Variants in HAVCR1 observed in about 807,000 individuals in gnomAD.
HAVCR1 encodes T cell immunoglobin domain and mucin domain protein 1.
A neutral mutation model predicts 32.0 loss-of-function variants in HAVCR1; 34 were observed. The ratio of observed to expected loss-of-function variants is 1.06; its 90% CI spans 0.81 to 1.42. The LOEUF (loss-of-function observed/expected upper bound fraction) is 1.42, where lower values mean the gene tolerates loss of function less well. Ranked by LOEUF, HAVCR1 falls within the 40% of genes most tolerant of loss-of-function variation. The probability of loss-of-function intolerance (pLI) is 0.00; values close to 1 mark genes in which losing one functional copy is unlikely to be tolerated. For synonymous variants in HAVCR1, 178 were observed against 170.3 expected (o/e 1.05, Z -0.35); for missense variants, 420 against 442.3 (o/e 0.95, Z 0.45).
chr5:157,049,909 C>CCCTTT (rs1237358847), intron 4 of HAVCR1, among the ~76,000 whole-genome samples: 1 of 152,188 alleles, frequency 6.6e-6, no homozygotes, highest in African/African-American at 2.4e-5. Context: ...GGCTACATTC[C>CCCTTT]CCTTTCCTTT....
chr5:157,041,495 C>CA (rs1448899048), intron 6 of HAVCR1, among the ~76,000 whole-genome samples: 5 of 146,822 alleles, frequency 3.4e-5, no homozygotes, highest in South Asian at 2.1e-4. Context: ...AAGACTGTCT[C>CA]AAAAAATAAA....
In HAVCR1 at chr5:157,055,228, T is replaced by C; in HGVS notation, c.352A>G (p.Ile118Val). The change falls in exon 3 of 9, where the codon ATC becomes GTC. Residue 118 changes from isoleucine to valine, a missense_variant. Coordinates refer to ENST00000523175, the MANE Select transcript of HAVCR1 (RefSeq NM_001173393.3). ...EHRGWFNDMKITVSLEIVPPK... is the reference protein window; with the variant it reads ...EHRGWFNDMKVTVSLEIVPPK... ...GGCACAATCTCCAATGATACGGTGATTTTCATGTCATTGAACCACCCACGG... is the reference window on the plus strand; with the variant it reads ...GGCACAATCTCCAATGATACGGTGACTTTCATGTCATTGAACCACCCACGG... 2 of 1,574,058 alleles carry C rather than the reference T, an allele frequency of 1.3e-6. No individual in the cohort carries two copies. The highest frequency in any genetic ancestry group is 1.8e-5 in the Admixed American group (1 of 56,844).
At chr5:157,030,468 A>G (rs1011351456) in intron 8 of HAVCR1, among the ~76,000 whole-genome samples, 2 of 152,140 alleles carry the variant, frequency 1.3e-5, no homozygotes, top group African/African-American at 4.8e-5. Flanking sequence ...CGTGAGCAAC[A>G]TAGCGAGACC....
Position 157,037,250 on chromosome 5 carries a change from T to C in HAVCR1, c.949A>G (p.Lys317Glu), listed in dbSNP as rs370221161. 224 of 1,516,428 alleles carry C rather than the reference T, an allele frequency of 1.5e-4. 1 individual carries two copies. The highest frequency in any genetic ancestry group is 6.8e-4 in the Middle Eastern group (4 of 5,916). The allele number at this position is 1,516,428 out of a possible 1,614,324, so 93.9% of individuals were successfully genotyped here. A position where few individuals can be genotyped will look rare whatever the true frequency, so the allele number is the denominator to read the frequency against. ...GAACAATCTCGAAATGACTTACTTT[T>C]GGCAATGATGACACCCAAAAGAGCA... ...LLALLGVIIA[K>E]KYFFKKEVQQ... Residue 317 changes from lysine to glutamate, a missense_variant, in exon 7 of 9, where the codon AAA (lysine) becomes GAA (glutamate). Coordinates refer to ENST00000523175, the MANE Select transcript of HAVCR1 (RefSeq NM_001173393.3).
At chr5:157,037,929 C>T (rs1352758321) in intron 6 of HAVCR1, among the ~76,000 whole-genome samples, 3 of 152,008 alleles carry the variant, frequency 2.0e-5, no homozygotes, top group Non-Finnish European at 2.9e-5. Flanking sequence ...CAAAAAATTG[C>T]TTGAACCCGG....
intron 5 of HAVCR1, among the ~76,000 whole-genome samples, chr5:157,045,202 G>T (rs757741487): frequency 1.3e-5 from 2 of 148,646 alleles, no homozygotes; most frequent in Middle Eastern, 6.5e-3. Flanking sequence ...TAAAAGCTAT[G>T]GGAATTTAGT....
rs761775390 is a variant in HAVCR1, at chr5:157,037,264, C to T, written c.935G>A (p.Gly312Asp). ...TGACTTACTTTTGGCAATGATGACACCCAAAAGAGCAAGAAGCACCAAGAC... is the reference window on the plus strand; with the variant it reads ...TGACTTACTTTTGGCAATGATGACATCCAAAAGAGCAAGAAGCACCAAGAC... ...ISVLVLLALL[G>D]VIIAKKYFFK... is the part of the protein sequence containing the mutation. The change falls in exon 7 of 9, where the codon GGT becomes GAT. Residue 312 changes from glycine (G) to aspartate (D), a missense_variant. Gly to Asp is a moderately conservative substitution (Grantham distance 94). Transcript: ENST00000523175. 6.3e-7 allele frequency: 1 copy of T among 1,585,588 alleles called. No individual in the cohort carries two copies. Among genetic ancestry groups the T allele is most frequent in the Non-Finnish European group, 8.7e-7 (1 of 1,154,064 alleles).
intron 5 of HAVCR1, among the ~76,000 whole-genome samples, chr5:157,047,214 T>A (rs1581707595): frequency 6.6e-6 from 1 of 152,102 alleles, no homozygotes; most frequent in East Asian, 1.9e-4. Flanking sequence ...AGTCCTTCCC[T>A]GTGCCCCTGG....
chr5:157,048,466 T>C (rs959981107), intron 5 of HAVCR1, among the ~76,000 whole-genome samples: 3 of 152,216 alleles, frequency 2.0e-5, no homozygotes, highest in Admixed American at 6.5e-5. Flanking sequence ...CCTGTAACCA[T>C]GTCCCAAATC....
chr5:157,053,493 C>T (rs905349378), intron 3 of HAVCR1, among the ~76,000 whole-genome samples: 7 of 150,642 alleles, frequency 4.6e-5, no homozygotes, highest in Non-Finnish European at 7.4e-5. Context: ...TTAATTAAAA[C>T]GAAAATAGAG....
chr5:157,063,568 A>T (rs924147260), upstream of HAVCR1, among the ~76,000 whole-genome samples: 12 of 152,062 alleles, frequency 7.9e-5, no homozygotes, highest in Admixed American at 5.9e-4. Flanking sequence ...TATAGGCGTG[A>T]GCACCACTCC....
At chr5:157,069,156 T>C in the HAVCR1 span, among the ~76,000 whole-genome samples, 1 of 152,226 alleles carries the variant, frequency 6.6e-6, no homozygotes, top group Non-Finnish European at 1.5e-5. Flanking sequence ...AAAGTTTAAA[T>C]AAGGCCACTA....
intron 6 of HAVCR1, among the ~76,000 whole-genome samples, chr5:157,038,949 T>C (rs1754703125): frequency 6.6e-6 from 1 of 152,126 alleles, no homozygotes; most frequent in East Asian, 1.9e-4. Flanking sequence ...GGTGAGACCC[T>C]GTCTCCAGAA....
intron 6 of HAVCR1, among the ~76,000 whole-genome samples, chr5:157,041,940 T>C (rs1400837335): frequency 6.6e-6 from 1 of 151,946 alleles, no homozygotes; most frequent in Non-Finnish European, 1.5e-5. Flanking sequence ...GCGCCTGTAG[T>C]CCCAACTACT....
chr5:157,033,586 G>GGGCGGA (rs1426657672), intron 7 of HAVCR1, among the ~76,000 whole-genome samples: 1 of 146,890 alleles, frequency 6.8e-6, no homozygotes, highest in African/African-American at 2.5e-5. Flanking sequence ...GCGGGGGCGG[G>GGGCGGA]TGGGGGTGGT....
intron 3 of HAVCR1, among the ~76,000 whole-genome samples, chr5:157,053,620 A>G (rs1432930977): frequency 1.3e-5 from 2 of 152,330 alleles, no homozygotes; most frequent in East Asian, 3.9e-4. Context: ...CTGTAATCCC[A>G]GCACTTTGGG....
At chr5:157,065,306 CAA>C in the HAVCR1 span, among the ~76,000 whole-genome samples, 97 of 142,984 alleles carry the variant, frequency 6.8e-4, 1 homozygote, top group Middle Eastern at 3.6e-3. Context: ...GACTCCGCCT[CAA>C]AAAAAAAAAA....
chr5:157,040,002 G>A (rs1754778810), intron 6 of HAVCR1, among the ~76,000 whole-genome samples: 1 of 152,112 alleles, frequency 6.6e-6, no homozygotes, highest in Admixed American at 6.6e-5. Flanking sequence ...CTGAGACCAA[G>A]AATAACCTCA....
chr5:157,037,391 A>T, intron 6 of HAVCR1, 30 bp from the exon 7 acceptor site: 1 of 972,360 alleles, frequency 1.0e-6, no homozygotes, highest in East Asian at 2.4e-5. Context: ...TCAAAAAAGC[A>T]TCTTGTTAGA....
Sources: gnomAD v4.1 joint callset for allele counts (sites outside exome capture counted in the v4.1 genomes callset) on GRCh38, gnomAD v4.1.1 for gene constraint, MANE v1.5 for transcripts, NCBI Gene and HGNC (gene_info 2026-07-23, HGNC 2026-07-21) for gene names.